MAML2: variants seen among roughly 807,000 people sequenced by gnomAD.
MAML2 encodes mastermind-like protein 2.
MAML2 carries 22 observed loss-of-function variants against 96.1 expected under a neutral mutation model. That is an observed-to-expected ratio of 0.23 (90% CI 0.16 to 0.33). The LOEUF (loss-of-function observed/expected upper bound fraction) is 0.33, where lower values mean the gene tolerates loss of function less well. MAML2 is among the 10% of genes least tolerant of loss of function. The pLI is 1.00. For synonymous variants in MAML2, 561 were observed against 521.3 expected (o/e 1.08, Z -1.04); for missense variants, 1,367 against 1,392.4 (o/e 0.98, Z 0.29).
At chr11:96,335,813 A>C (rs1591138719) in intron 1 of MAML2, among the ~76,000 whole-genome samples, 1 of 151,794 alleles carries the variant, frequency 6.6e-6, no homozygotes, top group East Asian at 1.9e-4. Flanking sequence ...CCCCCTCAGT[A>C]CTCACGTCCA....
intron 1 of MAML2, among the ~76,000 whole-genome samples, chr11:96,200,481 A>G (rs1861804419): frequency 6.6e-6 from 1 of 152,210 alleles, no homozygotes; most frequent in African/African-American, 2.4e-5. Context: ...CCTGGGACCT[A>G]TCCTGTGCCT....
rs141450818 is a variant in MAML2 at position 96,277,294 on chromosome 11, C to T, written c.513+64089G>A. On this transcript the variant is annotated intron_variant, in intron 1 of 4. Coordinates refer to ENST00000524717, the MANE Select transcript of MAML2 (RefSeq NM_032427.4). Reference sequence around the variant, plus strand: ...ATGAGATGCATGAGTGTTTGTTACACGCACAGAATGAGAGATGATCAAGTC... The same window carrying T: ...ATGAGATGCATGAGTGTTTGTTACATGCACAGAATGAGAGATGATCAAGTC... Among the ~76,000 whole-genome samples, 33 of 152,108 alleles carry T rather than the reference C, an allele frequency of 2.2e-4. 1 individual carries two copies. The East Asian group carries it at 4.8e-3, about 22-fold the overall frequency.
intron 1 of MAML2, among the ~76,000 whole-genome samples, chr11:96,149,088 G>C (rs1348395660): frequency 6.6e-6 from 1 of 152,090 alleles, no homozygotes; most frequent in Non-Finnish European, 1.5e-5. Flanking sequence ...CCAGTCATGT[G>C]CCTCATCCAC....
intron 1 of MAML2, among the ~76,000 whole-genome samples, chr11:96,147,483 T>C (rs950856416): frequency 1.3e-5 from 2 of 152,240 alleles, no homozygotes; most frequent in African/African-American, 4.8e-5. Context: ...ATTATAGTGT[T>C]AGTTTATATT....
intron 1 of MAML2, among the ~76,000 whole-genome samples, chr11:96,266,622 C>T (rs116748600): frequency 0.041 from 6,265 of 151,912 alleles, 422 homozygotes; most frequent in African/African-American, 0.14. Flanking sequence ...GCTTCACTGA[C>T]AAAGTGAAAT....
chr11:96,204,611 AG>A (rs1861870798), intron 1 of MAML2, among the ~76,000 whole-genome samples: 1 of 152,228 alleles, frequency 6.6e-6, no homozygotes, highest in South Asian at 2.1e-4. Context: ...CATAGATAAA[AG>A]CATATGCATT....
chr11:95,985,443 T>G (rs1431561399), intron 4 of MAML2, 88 bp downstream of exon 4: 1 of 707,318 alleles, frequency 1.4e-6, no homozygotes, highest in East Asian at 2.8e-5. Context: ...GATATTATAA[T>G]CATATGTGAG....
At chr11:96,022,860 G>A (rs1163253182) in intron 2 of MAML2, among the ~76,000 whole-genome samples, 1 of 152,168 alleles carries the variant, frequency 6.6e-6, no homozygotes, top group Non-Finnish European at 1.5e-5. Context: ...ATGACAATGA[G>A]GATGTTTGGA....
rs117624838 is a variant in MAML2, at chr11:96,103,735, G to A, written c.514-10218C>T. Among the ~76,000 whole-genome samples the A allele has an allele frequency of 1.2e-4, 19 of 152,078 alleles. No individual in the cohort carries two copies. The East Asian group carries it at 2.7e-3, about 22-fold the overall frequency. On this transcript the variant is annotated intron_variant, in intron 1 of 4. Coordinates refer to ENST00000524717, the MANE Select transcript of MAML2 (RefSeq NM_032427.4). ...TTCAGGCTCCTTCTGCTTTAAGCGCGGTAAGCAATCAAGTATTCTCCATCT... is the reference window on the plus strand; with the variant it reads ...TTCAGGCTCCTTCTGCTTTAAGCGCAGTAAGCAATCAAGTATTCTCCATCT...
At chr11:96,050,263 G>A (rs1858969927) in intron 2 of MAML2, among the ~76,000 whole-genome samples, 1 of 152,198 alleles carries the variant, frequency 6.6e-6, no homozygotes, top group Non-Finnish European at 1.5e-5. Flanking sequence ...TGAAGAATGG[G>A]ACTGTCGGTA....
In MAML2 at chr11:96,068,787, G is replaced by A. The variant is rs923854277; in HGVS notation, c.2139+23105C>T. On this transcript the variant is annotated intron_variant, in intron 2 of 4. Coordinates refer to ENST00000524717, the MANE Select transcript of MAML2 (RefSeq NM_032427.4). ...AGAGCTTGCAGTGAGCTGAGATGGC[G>A]CCATTGCACTCCAGCCTGGGCGACA... Among the ~76,000 whole-genome samples, 5 of 148,394 alleles carry A rather than the reference G, an allele frequency of 3.4e-5. No individual in the cohort carries two copies. The East Asian group carries it at 5.9e-4, about 18-fold the overall frequency.
intron 1 of MAML2, among the ~76,000 whole-genome samples, chr11:96,256,417 G>A (rs1345558052): frequency 6.6e-6 from 1 of 152,008 alleles, no homozygotes; most frequent in Admixed American, 6.6e-5. Flanking sequence ...ATTTCTTCCT[G>A]CCCCACACAC....
At position 96,092,078 on chromosome 11, in the gene MAML2, CTGCTGCTGCTGCTGTTGT is replaced by C. The variant is rs1859719329; in HGVS notation, c.1935_1952del (p.Gln660_Gln665del). 3 of 1,546,360 alleles carry C rather than the reference CTGCTGCTGCTGCTGTTGT, an allele frequency of 1.9e-6. No individual in the cohort carries two copies. Among genetic ancestry groups the C allele is most frequent in the Non-Finnish European group, 8.7e-7 (1 of 1,144,480 alleles). On this transcript the variant is annotated inframe_deletion, in exon 2 of 5. Transcript: ENST00000524717. This position sits in a 1 kb window ranked among gnomAD's most constrained non-coding sequence, Gnocchi z 4.1. ...GCTGCTGTTGTTGCTGTTGTTGTTG[CTGCTGCTGCTGCTGTTGT>C]TGCTGCTGCTGCTGCTGTTGGGCTG...
At chr11:96,089,403 A>G (rs1859669555) in intron 2 of MAML2, among the ~76,000 whole-genome samples, 1 of 152,192 alleles carries the variant, frequency 6.6e-6, no homozygotes, top group Non-Finnish European at 1.5e-5. Flanking sequence ...CCACACTTGC[A>G]ATGCAGCCTT....
At chr11:96,315,294 T>C (rs1327790014) in intron 1 of MAML2, among the ~76,000 whole-genome samples, 1 of 152,214 alleles carries the variant, frequency 6.6e-6, no homozygotes, top group Non-Finnish European at 1.5e-5. Flanking sequence ...CTTGTTAACC[T>C]TAAAGGCTGG....
At chr11:95,982,306 A>G (rs1304743554) in intron 4 of MAML2, among the ~76,000 whole-genome samples, 1 of 151,436 alleles carries the variant, frequency 6.6e-6, no homozygotes, top group Non-Finnish European at 1.5e-5. Context: ...TTCCTTCGAA[A>G]CAGAGCTTTG....
chr11:96,215,138 T>C (rs772921909), intron 1 of MAML2, among the ~76,000 whole-genome samples: 9 of 152,212 alleles, frequency 5.9e-5, no homozygotes, highest in Non-Finnish European at 1.0e-4. Flanking sequence ...CATGAGTCAT[T>C]TGTGTAGTAA....
At chr11:96,324,774 A>T (rs1863751949) in intron 1 of MAML2, among the ~76,000 whole-genome samples, 1 of 152,190 alleles carries the variant, frequency 6.6e-6, no homozygotes, top group Non-Finnish European at 1.5e-5. Flanking sequence ...TAATATATTC[A>T]TTCTGAAATA....
chr11:96,293,961 G>A (rs187475745), intron 1 of MAML2, among the ~76,000 whole-genome samples: 1 of 152,306 alleles, frequency 6.6e-6, no homozygotes, highest in Non-Finnish European at 1.5e-5. Context: ...TGGCTGTTCA[G>A]GCCAGAGCTG....
Sources: gnomAD v4.1 joint callset for allele counts (sites outside exome capture counted in the v4.1 genomes callset) on GRCh38, gnomAD v4.1.1 for gene constraint, Gnocchi (gnomAD v3.1) non-coding constraint, MANE v1.5 for transcripts, NCBI Gene and HGNC (gene_info 2026-07-23, HGNC 2026-07-21) for gene names.